SOS2: variants seen among roughly 807,000 people sequenced by gnomAD.
The protein encoded by SOS2 is son of sevenless homolog 2.
Under a neutral mutation model 148.2 loss-of-function variants are expected in SOS2, and 65 were observed. The observed-to-expected ratio is 0.44, with a 90% CI of 0.36 to 0.54. The LOEUF (loss-of-function observed/expected upper bound fraction) is 0.54, where lower values mean the gene tolerates loss of function less well. SOS2 is among the 20% of genes least tolerant of loss of function. SOS2 has a pLI of 0.00. For missense variants in SOS2, 1,341 were observed against 1,590.2 expected (o/e 0.84, Z 2.67); for synonymous variants, 539 against 537.1 (o/e 1.00, Z -0.05).
At chr14:50,162,446 A>G (rs777917649) in intron 8 of SOS2, among the ~76,000 whole-genome samples, 5 of 152,206 alleles carry the variant, frequency 3.3e-5, no homozygotes, top group Non-Finnish European at 7.3e-5. Flanking sequence ...TTTTCCAAAC[A>G]TATTTAAAAA....
intron 12 of SOS2, chr14:50,156,396 G>A (rs1884821968): frequency 6.6e-6 from 1 of 152,134 alleles, no homozygotes; most frequent in South Asian, 2.1e-4. Flanking sequence ...AGTAGGAATA[G>A]TAATCATGTT....
intron 8 of SOS2, among the ~76,000 whole-genome samples, chr14:50,170,750 G>A (rs182982767): frequency 3.6e-4 from 54 of 150,592 alleles, no homozygotes; most frequent in Non-Finnish European, 6.8e-4. Context: ...CTAGTCATTA[G>A]GAAAATTAAA....
chr14:50,202,351 G>A (rs994937691), intron 2 of SOS2, among the ~76,000 whole-genome samples: 1 of 152,132 alleles, frequency 6.6e-6, no homozygotes, highest in African/African-American at 2.4e-5. Flanking sequence ...ATTTAGCAGG[G>A]TTTCCTATAT....
chr14:50,152,711 T>C (rs570709936), intron 13 of SOS2, among the ~76,000 whole-genome samples: 1 of 152,220 alleles, frequency 6.6e-6, no homozygotes, highest in East Asian at 1.9e-4. Flanking sequence ...TCCCAGCACT[T>C]TGGGAAGCTG....
intron 8 of SOS2, among the ~76,000 whole-genome samples, chr14:50,165,671 A>C (rs1885142416): frequency 6.6e-6 from 1 of 152,142 alleles, no homozygotes; most frequent in Non-Finnish European, 1.5e-5. Context: ...ATTCCTTTTC[A>C]GTTTACCTGC....
chr14:50,124,108 G>A (rs141501773), intron 21 of SOS2, among the ~76,000 whole-genome samples: 1 of 152,278 alleles, frequency 6.6e-6, no homozygotes, highest in East Asian at 1.9e-4. Flanking sequence ...TCCAACTGGA[G>A]ATGTTAAATG....
chr14:50,144,079 C>A (rs943887929), intron 16 of SOS2, among the ~76,000 whole-genome samples: 2 of 152,010 alleles, frequency 1.3e-5, no homozygotes, highest in African/African-American at 4.8e-5. Context: ...GATTTCCACC[C>A]CTAGATTATT....
intron 16 of SOS2, among the ~76,000 whole-genome samples, chr14:50,141,667 C>A (rs1884293578): frequency 6.6e-6 from 1 of 152,122 alleles, no homozygotes; most frequent in East Asian, 1.9e-4. Context: ...AGACTTGTTA[C>A]TATAAAAATG....
chr14:50,119,531 A>T (rs79704993), intron 22 of SOS2, among the ~76,000 whole-genome samples: 28,949 of 151,412 alleles, frequency 0.19, 2,910 homozygotes, highest in East Asian at 0.44. Flanking sequence ...TTATTTTTTT[A>T]TTTTTATTTT....
At chr14:50,181,523 A>G (rs1446391316) in intron 6 of SOS2, among the ~76,000 whole-genome samples, 2 of 152,148 alleles carry the variant, frequency 1.3e-5, no homozygotes, top group Non-Finnish European at 2.9e-5. Context: ...TAACAAAAAA[A>G]AAAAGGAAAA....
chr14:50,191,692 T>A (rs143650286), intron 4 of SOS2, among the ~76,000 whole-genome samples: 15 of 152,086 alleles, frequency 9.9e-5, no homozygotes, highest in African/African-American at 3.6e-4. Flanking sequence ...TAAGAAACAG[T>A]GGGGATTATG....
At chr14:50,180,250 T>C (rs542363600) in intron 7 of SOS2, among the ~76,000 whole-genome samples, 1 of 149,804 alleles carries the variant, frequency 6.7e-6, no homozygotes, top group Non-Finnish European at 1.5e-5. Flanking sequence ...GTGATCCACC[T>C]GTCTTGGCCT....
At chr14:50,176,096 G>A (rs909322699) in intron 7 of SOS2, among the ~76,000 whole-genome samples, 1 of 152,224 alleles carries the variant, frequency 6.6e-6, no homozygotes, top group Non-Finnish European at 1.5e-5. Flanking sequence ...CAGAGCCCCT[G>A]TGAACGGGGT....
chr14:50,158,812 GC>G (rs910995937), intron 10 of SOS2, among the ~76,000 whole-genome samples, 166 bp from the exon 11 acceptor site: 8 of 152,136 alleles, frequency 5.3e-5, no homozygotes, highest in African/African-American at 1.9e-4. Context: ...TGGTATCCCT[GC>G]CATACATAGA....
At chr14:50,204,208 A>C (rs1208960592) in intron 2 of SOS2, 76 bp downstream of exon 2, 2 of 847,038 alleles carry the variant, frequency 2.4e-6, no homozygotes, top group Non-Finnish European at 3.5e-6. Flanking sequence ...TTCACAATAA[A>C]TTAGAATGAT....
At chr14:50,209,277 G>GTGTGTGTGTGTGTGTGTGTGTA (rs1160014288) in intron 1 of SOS2, among the ~76,000 whole-genome samples, 3 of 41,646 alleles carry the variant, frequency 7.2e-5, no homozygotes, top group Non-Finnish European at 7.5e-5. Flanking sequence ...TAAATGTCGT[G>GTGTGTGTGTGTGTGTGTGTGTA]TGTGTGTGTG....
At chr14:50,121,884 G>A (rs1172784981) in intron 21 of SOS2, among the ~76,000 whole-genome samples, 3 of 152,152 alleles carry the variant, frequency 2.0e-5, no homozygotes, top group African/African-American at 4.8e-5. Context: ...AACTCCTTTC[G>A]GTGGTGGTAA....
chr14:50,210,754 A>G (rs987481133), intron 1 of SOS2, among the ~76,000 whole-genome samples: 1 of 152,138 alleles, frequency 6.6e-6, no homozygotes, highest in Non-Finnish European at 1.5e-5. Flanking sequence ...GCACTTCACA[A>G]AAGAATAAAT....
At chr14:50,208,837 G>C (rs1206003517) in intron 1 of SOS2, among the ~76,000 whole-genome samples, 1 of 152,160 alleles carries the variant, frequency 6.6e-6, no homozygotes, top group East Asian at 1.9e-4. Context: ...AATTGGTAAA[G>C]AAGAAACAAA....
Sources: gnomAD v4.1 joint callset for allele counts (sites outside exome capture counted in the v4.1 genomes callset) on GRCh38, gnomAD v4.1.1 for gene constraint, MANE v1.5 for transcripts, NCBI Gene and HGNC (gene_info 2026-07-23, HGNC 2026-07-21) for gene names.